Variants in SPAG17 observed in about 807,000 individuals in gnomAD.
SPAG17 encodes sperm associated antigen 17.
Under a neutral mutation model 273.6 loss-of-function variants are expected in SPAG17, and 169 were observed. That is an observed-to-expected ratio of 0.62 (90% CI 0.55 to 0.70). The LOEUF (loss-of-function observed/expected upper bound fraction) is 0.70. Ranked by LOEUF, SPAG17 falls within the 30% of genes least tolerant of loss-of-function variation. The probability of loss-of-function intolerance (pLI) is 0.00; values close to 1 mark genes in which losing one functional copy is unlikely to be tolerated. For missense variants in SPAG17, 2,557 were observed against 2,627.8 expected (o/e 0.97, Z 0.59); for synonymous variants, 825 against 873.2 (o/e 0.94, Z 0.97).
intron 20 of SPAG17, among the ~76,000 whole-genome samples, chr1:118,042,525 C>T (rs760222268): frequency 3.3e-5 from 5 of 152,144 alleles, no homozygotes; most frequent in Non-Finnish European, 4.4e-5. Context: ...CCCCTAAGCA[C>T]TCCTAACCAC....
At chr1:118,073,265 A>G (rs1653778373) in intron 17 of SPAG17, among the ~76,000 whole-genome samples, 1 of 152,200 alleles carries the variant, frequency 6.6e-6, no homozygotes, top group African/African-American at 2.4e-5. Context: ...CTAGCTTCTC[A>G]CTTAGCTGCC....
chr1:117,968,803 C>G (rs1235529198), intron 46 of SPAG17, among the ~76,000 whole-genome samples: 1 of 152,224 alleles, frequency 6.6e-6, no homozygotes, highest in Non-Finnish European at 1.5e-5. Flanking sequence ...CTTTTGTGCA[C>G]TGTTCTCACA....
rs754272455 is a variant in SPAG17 at position 117,963,986 on chromosome 1, A to G, written c.6533-48T>C. The G allele has an allele frequency of 1.3e-5, 21 of 1,573,194 alleles. No homozygotes were observed. The East Asian group carries it at 2.0e-4, about 15-fold the overall frequency. ...TGCTTTTCATGACTAAATTATTTGC[A>G]TATATAAACCTAAATAACATTTTAG... is the stretch of plus-strand genomic sequence containing the variant. On this transcript the variant is annotated intron_variant, in intron 47 of 48. Transcript: ENST00000336338.
chr1:118,131,761 T>C (rs1242816792), intron 3 of SPAG17, among the ~76,000 whole-genome samples: 1 of 152,130 alleles, frequency 6.6e-6, no homozygotes, highest in Admixed American at 6.5e-5. Flanking sequence ...GTAACTGTGG[T>C]CCCCTGAAGG....
chr1:118,033,296 A>G (rs1648696922), intron 24 of SPAG17, among the ~76,000 whole-genome samples: 1 of 152,146 alleles, frequency 6.6e-6, no homozygotes. Flanking sequence ...TCTTCTCCCA[A>G]GCAGATTAAG....
At chr1:118,138,178 G>A (rs973502937) in intron 3 of SPAG17, among the ~76,000 whole-genome samples, 1 of 152,112 alleles carries the variant, frequency 6.6e-6, no homozygotes, top group Non-Finnish European at 1.5e-5. Flanking sequence ...TTATAACCAC[G>A]GCTTAAATAT....
chr1:118,102,967 C>T (rs1370746430), intron 4 of SPAG17, among the ~76,000 whole-genome samples: 1 of 152,160 alleles, frequency 6.6e-6, no homozygotes, highest in Non-Finnish European at 1.5e-5. Flanking sequence ...GATGAAACTG[C>T]CACCCTTTGT....
At chr1:118,020,575 CTATAAAAAAGACATATT>C (rs1451870605) in intron 28 of SPAG17, among the ~76,000 whole-genome samples, 1 of 151,770 alleles carries the variant, frequency 6.6e-6, no homozygotes, top group Non-Finnish European at 1.5e-5. Context: ...AATGACAGAA[CTATAAAAAAGACATATT>C]TATTTCACAA....
At chr1:118,115,159 A>G (rs1265390063) in intron 4 of SPAG17, 151 bp downstream of exon 4, 3 of 743,264 alleles carry the variant, frequency 4.0e-6, no homozygotes, top group Admixed American at 2.4e-5. Context: ...ATCTTTGGAC[A>G]GCCTTTCCCT....
At chr1:118,179,993 G>A (rs1490042243) in intron 1 of SPAG17, among the ~76,000 whole-genome samples, 1 of 152,038 alleles carries the variant, frequency 6.6e-6, no homozygotes, top group Non-Finnish European at 1.5e-5. Flanking sequence ...TACTGCTGAT[G>A]AGAATGTAAA....
rs753100506 is a variant in SPAG17 at position 118,073,834 on chromosome 1, G to A, written c.2385+20C>T. On this transcript the variant is annotated intron_variant, in intron 17 of 48. Coordinates refer to ENST00000336338, the MANE Select transcript of SPAG17 (RefSeq NM_206996.4). ...CAGACCTATCTGACCGTCTCCTAGAGAATCACAGTCCATAAATACCTGAAG... is the reference window on the plus strand; with the variant it reads ...CAGACCTATCTGACCGTCTCCTAGAAAATCACAGTCCATAAATACCTGAAG... The A allele has an allele frequency of 4.6e-6, 7 of 1,529,078 alleles. No homozygotes were observed. In the African/African-American group the frequency reaches 9.9e-5, roughly 22 times the overall value. 94.7% of individuals were successfully genotyped at this position (1,529,078 alleles called of 1,614,324 possible).
At chr1:118,128,169 G>A (rs1657846922) in intron 3 of SPAG17, among the ~76,000 whole-genome samples, 1 of 150,124 alleles carries the variant, frequency 6.7e-6, no homozygotes, top group African/African-American at 2.4e-5. Flanking sequence ...TTATTTTTGT[G>A]CAGCTGTTGC....
intron 1 of SPAG17, among the ~76,000 whole-genome samples, chr1:118,164,082 C>T (rs1660051723): frequency 6.6e-6 from 1 of 152,102 alleles, no homozygotes; most frequent in Admixed American, 6.6e-5. Flanking sequence ...TTCTTCTGTC[C>T]CATAAACAAG....
At chr1:118,165,142 G>A (rs1169206667) in intron 1 of SPAG17, among the ~76,000 whole-genome samples, 1 of 152,206 alleles carries the variant, frequency 6.6e-6, no homozygotes, top group African/African-American at 2.4e-5. Context: ...CGGCCTTAGA[G>A]CATGTCTTGA....
chr1:117,979,676 T>C (rs958492432), intron 43 of SPAG17, among the ~76,000 whole-genome samples: 1 of 152,216 alleles, frequency 6.6e-6, no homozygotes, highest in African/African-American at 2.4e-5. Context: ...CATGATCTAA[T>C]CTCTGCCCCA....
intron 31 of SPAG17, among the ~76,000 whole-genome samples, 170 bp downstream of exon 31, chr1:118,007,874 G>T (rs752456042): frequency 6.6e-6 from 1 of 152,164 alleles, no homozygotes; most frequent in Non-Finnish European, 1.5e-5. Flanking sequence ...GATGTAAAAA[G>T]GGATGAATAA....
At chr1:118,018,405 T>C (rs1199610636) in intron 28 of SPAG17, among the ~76,000 whole-genome samples, 1 of 152,092 alleles carries the variant, frequency 6.6e-6, no homozygotes, top group African/African-American at 2.4e-5. Flanking sequence ...CTTATATAGG[T>C]TTGAAGTGAA....
chr1:118,158,188 C>T (rs1372336166), intron 1 of SPAG17, among the ~76,000 whole-genome samples: 1 of 152,056 alleles, frequency 6.6e-6, no homozygotes, highest in Non-Finnish European at 1.5e-5. Context: ...TTTTCAGAGC[C>T]ATGGAAGAGA....
At chr1:118,065,098 G>C (rs1185765525) in intron 18 of SPAG17, among the ~76,000 whole-genome samples, 1 of 151,996 alleles carries the variant, frequency 6.6e-6, no homozygotes, top group Non-Finnish European at 1.5e-5. Context: ...GAAAAATATA[G>C]AGAAATCACA....
Sources: gnomAD v4.1 joint callset for allele counts (sites outside exome capture counted in the v4.1 genomes callset) on GRCh38, gnomAD v4.1.1 for gene constraint, MANE v1.5 for transcripts, NCBI Gene and HGNC (gene_info 2026-07-23, HGNC 2026-07-21) for gene names.